ETHE1: variants seen among roughly 807,000 people sequenced by gnomAD.
ETHE1 encodes the protein ETHE1 persulfide dioxygenase.
In ETHE1, 16 loss-of-function variants were observed where a neutral mutation model predicts 25.7. The observed-to-expected ratio is 0.62, with a 90% CI of 0.42 to 0.95. The LOEUF is 0.95. Ranked by LOEUF, ETHE1 falls within the 40% of genes least tolerant of loss-of-function variation. The probability of loss-of-function intolerance (pLI) is 0.00; values close to 1 mark genes in which losing one functional copy is unlikely to be tolerated. For synonymous variants in ETHE1, 139 were observed against 135.9 expected (o/e 1.02, Z -0.16); for missense variants, 300 against 333.6 (o/e 0.90, Z 0.79).
chr19:43,510,403 T>G (rs1232981930), intron 4 of ETHE1, among the ~76,000 whole-genome samples: 1 of 151,002 alleles, frequency 6.6e-6, no homozygotes, highest in Non-Finnish European at 1.5e-5. Flanking sequence ...TGGCGCAATC[T>G]TGGCTCACTG....
intron 3 of ETHE1, among the ~76,000 whole-genome samples, chr19:43,513,909 A>G (rs76930758): frequency 0.014 from 2,106 of 151,986 alleles, 44 homozygotes; most frequent in African/African-American, 0.048. Flanking sequence ...TTTAGTATAG[A>G]CAGGGTTTTA....
At chr19:43,508,640 G>T in intron 5 of ETHE1, 135 bp downstream of exon 5, 1 of 792,098 alleles carries the variant, frequency 1.3e-6, no homozygotes. Flanking sequence ...CCCTTGCCCA[G>T]CCTCAAACAC....
At chr19:43,514,848 A>C (rs1221600525) in intron 3 of ETHE1, among the ~76,000 whole-genome samples, 3 of 152,150 alleles carry the variant, frequency 2.0e-5, no homozygotes, top group African/African-American at 7.2e-5. Flanking sequence ...CAAATGTGAT[A>C]CCTAAAGTGA....
Position 43,521,980 on chromosome 19 carries a change from A to C in ETHE1, c.375+4221T>G, listed in dbSNP as rs1972146488. Among the ~76,000 whole-genome samples, 8 of 152,160 alleles carry C rather than the reference A, an allele frequency of 5.3e-5. No homozygotes were observed. In the South Asian group the frequency reaches 1.7e-3, roughly 32 times the overall value. On this transcript the variant is annotated intron_variant, in intron 3 of 6. Transcript: ENST00000292147. ...TGTACTTTGGGAGGCTGAGGCAAGG[A>C]GGATCGCTTGAGCCTAGGAGCCACC...
chr19:43,526,493 T>C (rs1387648044), intron 2 of ETHE1, 22 bp downstream of exon 2: 1 of 1,610,190 alleles, frequency 6.2e-7, no homozygotes, highest in South Asian at 1.1e-5. Context: ...CTGGGATCCA[T>C]GAGTTTGGTC....
chr19:43,517,255 G>GT (rs1397328448), intron 3 of ETHE1, among the ~76,000 whole-genome samples: 2 of 149,544 alleles, frequency 1.3e-5, no homozygotes, highest in Non-Finnish European at 3.0e-5. Flanking sequence ...AAGGCTTTGT[G>GT]TTAGATGAGT....
intron 3 of ETHE1, among the ~76,000 whole-genome samples, chr19:43,519,719 G>A (rs1972102153): frequency 1.3e-5 from 2 of 152,046 alleles, no homozygotes; most frequent in Non-Finnish European, 2.9e-5. Flanking sequence ...TGGTTCCCAA[G>A]TTCTTTCCCT....
At chr19:43,514,716 C>CCT (rs1971986444) in intron 3 of ETHE1, among the ~76,000 whole-genome samples, 1 of 151,898 alleles carries the variant, frequency 6.6e-6, no homozygotes, top group East Asian at 1.9e-4. Context: ...AAACTCCTGA[C>CCT]CACGTGATCC....
intron 3 of ETHE1, among the ~76,000 whole-genome samples, chr19:43,512,372 T>C (rs1354276965): frequency 2.6e-5 from 4 of 152,178 alleles, no homozygotes; most frequent in Non-Finnish European, 4.4e-5. Context: ...GAGAGTGATA[T>C]GAACAATGAA....
At chr19:43,519,330 T>A (rs1203525216) in intron 3 of ETHE1, among the ~76,000 whole-genome samples, 1 of 152,136 alleles carries the variant, frequency 6.6e-6, no homozygotes, top group Non-Finnish European at 1.5e-5. Flanking sequence ...TGTATTGTTA[T>A]ATTTTGTACT....
chr19:43,506,990 C>G lies in ETHE1; in HGVS notation c.713-88G>C. 2.8e-6 allele frequency: 4 copies of G among 1,420,802 alleles called. No homozygotes were observed. The South Asian group carries it at 4.7e-5, about 17-fold the overall frequency. The allele number at this position is 1,420,802 out of a possible 1,614,324, so 88.0% of individuals were successfully genotyped here. A position where few individuals can be genotyped will look rare whatever the true frequency, so the allele number is the denominator to read the frequency against. ...GACCCAGAAATCCTAGGAACCTTTCCTCTTCAGGAAACTAGAGTTTTGGTC... is the reference window on the plus strand; with the variant it reads ...GACCCAGAAATCCTAGGAACCTTTCGTCTTCAGGAAACTAGAGTTTTGGTC... On this transcript the variant is annotated intron_variant, in intron 6 of 6. Transcript: ENST00000292147.
intron 4 of ETHE1, among the ~76,000 whole-genome samples, chr19:43,511,063 C>T (rs920304536): frequency 6.6e-5 from 10 of 151,964 alleles, no homozygotes; most frequent in African/African-American, 2.4e-4. Flanking sequence ...CACTATCTTC[C>T]GTCTCTCCCA....
chr19:43,524,688 C>T (rs1972204539), intron 3 of ETHE1, among the ~76,000 whole-genome samples: 1 of 152,022 alleles, frequency 6.6e-6, no homozygotes, highest in Non-Finnish European at 1.5e-5. Context: ...CTTGTAGTCC[C>T]AGCTACTTAG....
intron 3 of ETHE1, among the ~76,000 whole-genome samples, chr19:43,522,219 T>A (rs1291734524): frequency 1.3e-5 from 2 of 152,200 alleles, no homozygotes; most frequent in Non-Finnish European, 2.9e-5. Flanking sequence ...GCCTGGAGTT[T>A]GAGACCAATC....
In ETHE1 at chr19:43,516,363, G is replaced by T. The variant is rs1248934544; in HGVS notation, c.376-4797C>A. Among the ~76,000 whole-genome samples the T allele has an allele frequency of 2.6e-5, 4 of 151,706 alleles. No homozygotes were observed. The South Asian group carries it at 8.3e-4, about 32-fold the overall frequency. On this transcript the variant is annotated intron_variant, in intron 3 of 6. Transcript: ENST00000292147. The stretch of plus-strand genomic sequence containing the variant: ...CACCCAGGCTGGAGTGCAGTGGTGC[G>T]ATCTCGGCTCACTGCAACCTCCGCC...
intron 3 of ETHE1, among the ~76,000 whole-genome samples, chr19:43,517,815 T>C (rs1972053314): frequency 6.6e-6 from 1 of 150,390 alleles, no homozygotes; most frequent in Non-Finnish European, 1.5e-5. Flanking sequence ...CCAAGCGTGG[T>C]GGCACATGCC....
At chr19:43,519,255 G>A (rs1163207827) in intron 3 of ETHE1, among the ~76,000 whole-genome samples, 4 of 151,924 alleles carry the variant, frequency 2.6e-5, no homozygotes, top group Non-Finnish European at 5.9e-5. Flanking sequence ...CGGGTGATCC[G>A]CACACCTCGG....
rs748814160 is a variant in ETHE1, at chr19:43,526,201, G to T, written c.375C>A (p.Phe125Leu). 1.2e-6 allele frequency: 2 copies of T among 1,613,950 alleles called. No individual in the cohort carries two copies. Among genetic ancestry groups the T allele is most frequent in the African/African-American group, 1.3e-5 (1 of 74,904 alleles). Residue 125 changes from phenylalanine (F) to leucine (L), a missense_variant and splice_region_variant, in exon 3 of 7, where the codon TTC (phenylalanine) becomes TTA (leucine). By Grantham distance (22) the Phe-to-Leu change is conservative. Coordinates refer to ENST00000292147, the MANE Select transcript of ETHE1 (RefSeq NM_014297.5). ...EDGDSIRFGR[F>L]ALETRASPGH... ...CTTGGGGACCCAGCACCCAACTCAC[G>T]AAGCGCCCGAAGCGGATGGAGTCTC...
intron 3 of ETHE1, among the ~76,000 whole-genome samples, chr19:43,522,585 G>A (rs147163948): frequency 2.0e-4 from 31 of 152,150 alleles, no homozygotes; most frequent in Non-Finnish European, 4.0e-4. Context: ...AGGTTCAAGC[G>A]ATTCCCCTGC....
Sources: gnomAD v4.1 joint callset for allele counts (sites outside exome capture counted in the v4.1 genomes callset) on GRCh38, gnomAD v4.1.1 for gene constraint, MANE v1.5 for transcripts, NCBI Gene and HGNC (gene_info 2026-07-23, HGNC 2026-07-21) for gene names.